GAS7: variants seen among roughly 807,000 people sequenced by gnomAD.
GAS7 encodes growth arrest-specific protein 7.
In GAS7, 28 loss-of-function variants were observed where a neutral mutation model predicts 71.1. The observed-to-expected ratio is 0.39, with a 90% CI of 0.29 to 0.54. GAS7 has a LOEUF of 0.54. Among genes scored for constraint, GAS7 ranks in the 20% least tolerant of loss-of-function variants. The pLI is 0.62. For synonymous variants in GAS7, 258 were observed against 245.8 expected (o/e 1.05, Z -0.46); for missense variants, 436 against 627.8 (o/e 0.69, Z 3.27).
chr17:10,016,620 A>AACAAAACAAAACAAAAAAAAC (rs1555523683), intron 2 of GAS7, among the ~76,000 whole-genome samples: 1 of 131,666 alleles, frequency 7.6e-6, no homozygotes, highest in African/African-American at 3.1e-5. Context: ...AAAAAAAAAA[A>AACAAAACAAAACAAAAAAAAC]AAAACAAAAC....
Position 9,914,816 on chromosome 17 carries a change from C to T in GAS7, c.*2412G>A, listed in dbSNP as rs1471211336. 1 of 229,906 alleles carries T rather than the reference C, an allele frequency of 4.3e-6. No individual in the cohort carries two copies. Among genetic ancestry groups the T allele is most frequent in the African/African-American group, 2.2e-5 (1 of 45,170 alleles). 14.2% of individuals were successfully genotyped at this position (229,906 alleles called of 1,614,324 possible). A position where few individuals can be genotyped will look rare whatever the true frequency, so the allele number is the denominator to read the frequency against. ...AACTAGAGCGCCGCTTCTCAGCATG[C>T]CTGGCTTGTCTTGAGCATTCGCTGA... is the stretch of plus-strand genomic sequence containing the variant. On this transcript the variant is annotated 3_prime_UTR_variant, in exon 14 of 14. Transcript: ENST00000432992.
intron 1 of GAS7, among the ~76,000 whole-genome samples, chr17:10,126,663 T>C (rs374160836): frequency 6.6e-6 from 1 of 152,166 alleles, no homozygotes; most frequent in African/African-American, 2.4e-5. Context: ...CTCAAGATCT[T>C]CCTCCTGCTC....
rs765976090 is a variant in GAS7, at chr17:10,019,866, T to C, written c.215A>G (p.Glu72Gly). The C allele has an allele frequency of 1.4e-5, 23 of 1,613,822 alleles. No homozygotes were observed. The highest frequency in any genetic ancestry group is 1.9e-5 in the Non-Finnish European group (22 of 1,179,910). Residue 72 changes from glutamate to glycine, a missense_variant, in exon 2 of 14, where the codon GAA becomes GGA. Glu to Gly is a moderately conservative substitution (Grantham distance 98). Transcript: ENST00000432992. ...KPGMVPPPPGEESQTVILPPG... is the reference protein window; with the variant it reads ...KPGMVPPPPGGESQTVILPPG... ...TGGAAGGATGACCGTCTGGCTTTCT[T>C]CTCCCGGCGGAGGGGGGACCATTCC...
In GAS7 at chr17:9,917,106, G is replaced by C; in HGVS notation, c.*122C>G. ...CCGGGTCACCCTTCTGGAATCACCA[G>C]CTCTCTCCCCTCTCCTCAGTGGCCC... is the stretch of plus-strand genomic sequence containing the variant. On this transcript the variant is annotated 3_prime_UTR_variant, in exon 14 of 14. Coordinates refer to ENST00000432992, the MANE Select transcript of GAS7 (RefSeq NM_201433.2). 2 of 703,848 alleles carry C rather than the reference G, an allele frequency of 2.8e-6. No homozygotes were observed. The highest frequency in any genetic ancestry group is 3.1e-5 in the South Asian group (2 of 63,854). 43.6% of individuals were successfully genotyped at this position (703,848 alleles called of 1,614,324 possible).
At chr17:10,079,853 GA>G (rs1189000786) in intron 1 of GAS7, among the ~76,000 whole-genome samples, 1 of 151,898 alleles carries the variant, frequency 6.6e-6, no homozygotes, top group Non-Finnish European at 1.5e-5. Flanking sequence ...CAAATTTAAA[GA>G]AAAAAAATAC....
At chr17:10,153,037 A>G (rs11872066) in intron 1 of GAS7, among the ~76,000 whole-genome samples, 6 of 118,914 alleles carry the variant, frequency 5.0e-5, no homozygotes, top group Non-Finnish European at 6.8e-5. Flanking sequence ...CACTAAAAAT[A>G]CAAAAAAAAA....
At chr17:10,129,934 G>A (rs1404448431) in intron 1 of GAS7, among the ~76,000 whole-genome samples, 1 of 152,186 alleles carries the variant, frequency 6.6e-6, no homozygotes, top group Non-Finnish European at 1.5e-5. Flanking sequence ...AGCACTTTGG[G>A]AGGCCAAGGC....
chr17:10,055,053 G>A (rs151214796), intron 1 of GAS7, among the ~76,000 whole-genome samples: 1 of 152,272 alleles, frequency 6.6e-6, no homozygotes, highest in East Asian at 1.9e-4. Flanking sequence ...AGCAGTCAGG[G>A]GCGACACCAC....
intron 1 of GAS7, among the ~76,000 whole-genome samples, chr17:10,181,204 C>G (rs1011610853): frequency 6.8e-6 from 1 of 146,664 alleles, no homozygotes; most frequent in African/African-American, 2.5e-5. Flanking sequence ...TACTACAGTA[C>G]AAAAAATTAG....
chr17:10,015,392 T>C (rs2071953373), intron 2 of GAS7, among the ~76,000 whole-genome samples: 1 of 152,106 alleles, frequency 6.6e-6, no homozygotes, highest in Admixed American at 6.5e-5. Context: ...GGGACTGCAC[T>C]TTCTGGGCAC....
chr17:10,135,819 A>G (rs895513032), intron 1 of GAS7, among the ~76,000 whole-genome samples: 1 of 152,206 alleles, frequency 6.6e-6, no homozygotes, highest in African/African-American at 2.4e-5. Context: ...CTGGATGCCT[A>G]TGCTCTGAGA....
At chr17:10,124,978 T>C (rs1426061739) in intron 1 of GAS7, among the ~76,000 whole-genome samples, 1 of 151,594 alleles carries the variant, frequency 6.6e-6, no homozygotes, top group Non-Finnish European at 1.5e-5. Flanking sequence ...AAATGTGCAC[T>C]TGAGTGGTCC....
chr17:10,197,973 A>G (rs894113049), intron 1 of GAS7, among the ~76,000 whole-genome samples: 2 of 152,298 alleles, frequency 1.3e-5, no homozygotes, highest in African/African-American at 4.8e-5. Context: ...TGTGCTCCGG[A>G]GGCCCGGCGC....
At chr17:9,972,047 C>G (rs536135639) in intron 3 of GAS7, among the ~76,000 whole-genome samples, 98 of 152,326 alleles carry the variant, frequency 6.4e-4, no homozygotes, top group African/African-American at 1.6e-3. Flanking sequence ...GTTTACCCCC[C>G]GTTCCAGAAT....
chr17:10,065,985 C>A (rs189621551), intron 1 of GAS7, among the ~76,000 whole-genome samples: 4 of 151,546 alleles, frequency 2.6e-5, no homozygotes, highest in Non-Finnish European at 5.9e-5. Flanking sequence ...GAGGTCTATC[C>A]GGAGCTCAAG....
intron 2 of GAS7, among the ~76,000 whole-genome samples, chr17:10,000,463 A>G (rs2071225998): frequency 1.3e-5 from 2 of 152,330 alleles, no homozygotes; most frequent in Admixed American, 1.3e-4. Context: ...CTCTGCCTGC[A>G]CCATTTCCTC....
At chr17:10,036,316 T>G in intron 1 of GAS7, 1 of 888,290 alleles carries the variant, frequency 1.1e-6, no homozygotes, top group Non-Finnish European at 1.9e-6. Context: ...GCTCAGCAGT[T>G]AGACCCCAAA....
chr17:10,158,926 A>G (rs2074227042), intron 1 of GAS7, among the ~76,000 whole-genome samples: 1 of 150,818 alleles, frequency 6.6e-6, no homozygotes, highest in South Asian at 2.1e-4. Context: ...GCATGGTGGC[A>G]TGCACATGTA....
At chr17:10,087,593 C>T (rs2073533061) in intron 1 of GAS7, among the ~76,000 whole-genome samples, 1 of 152,142 alleles carries the variant, frequency 6.6e-6, no homozygotes, top group Non-Finnish European at 1.5e-5. Context: ...TGCAAGCCTT[C>T]CTTACCACAG....
Sources: gnomAD v4.1 joint callset for allele counts (sites outside exome capture counted in the v4.1 genomes callset) on GRCh38, gnomAD v4.1.1 for gene constraint, MANE v1.5 for transcripts, NCBI Gene and HGNC (gene_info 2026-07-23, HGNC 2026-07-21) for gene names.